ITGA8: variants seen among roughly 807,000 people sequenced by gnomAD.
The protein encoded by ITGA8 is integrin subunit alpha 8, also known as integrin alpha-8.
ITGA8 carries 91 observed loss-of-function variants against 142.3 expected under a neutral mutation model. The observed-to-expected ratio is 0.64, with a 90% confidence interval of 0.54 to 0.76. The LOEUF is 0.76. Among genes scored for constraint, ITGA8 ranks in the 30% least tolerant of loss-of-function variants. ITGA8 has a pLI of 0.00. For synonymous variants in ITGA8, 505 were observed against 485.2 expected, an observed-to-expected ratio of 1.04 and a Z score of -0.54; for missense variants, 1,406 against 1,327.7, an observed-to-expected ratio of 1.06 and a Z score of -0.92.
At chr10:15,546,624 G>T (rs945996014) in intron 27 of ITGA8, among the ~76,000 whole-genome samples, 4 of 151,908 alleles carry the variant, frequency 2.6e-5, no homozygotes, top group African/African-American at 9.7e-5. Flanking sequence ...AACACAGCGC[G>T]ATCTGGTCTA....
chr10:15,581,312 G>A (rs1027694672), intron 23 of ITGA8, among the ~76,000 whole-genome samples: 1 of 152,184 alleles, frequency 6.6e-6, no homozygotes, highest in Non-Finnish European at 1.5e-5. Context: ...GATACTCCAA[G>A]CCTATTATCA....
intron 28 of ITGA8, among the ~76,000 whole-genome samples, chr10:15,528,056 C>T (rs1009502121): frequency 6.6e-6 from 1 of 151,966 alleles, no homozygotes; most frequent in East Asian, 1.9e-4. Context: ...GCTGGGACTA[C>T]AGGCGAGCAT....
chr10:15,563,147 T>C (rs76906774), intron 25 of ITGA8, among the ~76,000 whole-genome samples: 1 of 149,116 alleles, frequency 6.7e-6, no homozygotes, highest in African/African-American at 2.5e-5. Context: ...CCTTCAGGCC[T>C]CCCAGAAGCC....
intron 6 of ITGA8, among the ~76,000 whole-genome samples, chr10:15,673,347 T>G (rs1038691375): frequency 2.0e-5 from 3 of 152,114 alleles, no homozygotes; most frequent in African/African-American, 7.2e-5. Flanking sequence ...CCTCCCAAAG[T>G]GCTGGGATTA....
intron 2 of ITGA8, among the ~76,000 whole-genome samples, chr10:15,705,436 C>T (rs538197520): frequency 6.6e-6 from 1 of 152,302 alleles, no homozygotes; most frequent in African/African-American, 2.4e-5. Context: ...TGCCCTCCTG[C>T]CACTGCAGAT....
chr10:15,571,372 C>T (rs151293690), intron 25 of ITGA8, among the ~76,000 whole-genome samples: 49 of 152,300 alleles, frequency 3.2e-4, no homozygotes, highest in South Asian at 1.2e-3. Context: ...ACTAGGAGAA[C>T]GTTCGTTCTT....
chr10:15,655,941 A>G (rs1204637556), intron 10 of ITGA8, among the ~76,000 whole-genome samples: 1 of 152,140 alleles, frequency 6.6e-6, no homozygotes, highest in Non-Finnish European at 1.5e-5. Context: ...AAACAGAATT[A>G]GCAGGGCATG....
At chr10:15,691,632 T>C (rs1834935902) in intron 2 of ITGA8, among the ~76,000 whole-genome samples, 1 of 152,088 alleles carries the variant, frequency 6.6e-6, no homozygotes, top group Admixed American at 6.6e-5. Flanking sequence ...ATCTCCCTTA[T>C]ATGTGGAATC....
intron 24 of ITGA8, among the ~76,000 whole-genome samples, chr10:15,575,007 T>C (rs1834257843): frequency 6.6e-6 from 1 of 152,158 alleles, no homozygotes; most frequent in South Asian, 2.1e-4. Context: ...CAAGTGATTA[T>C]ATCCAGTATT....
chr10:15,675,118 A>G (rs1834603098), intron 6 of ITGA8, among the ~76,000 whole-genome samples: 1 of 152,168 alleles, frequency 6.6e-6, no homozygotes, highest in African/African-American at 2.4e-5. Flanking sequence ...TAGGCCTCCC[A>G]TCTATACCCA....
At chr10:15,718,251 G>A (rs1253223294) in intron 2 of ITGA8, among the ~76,000 whole-genome samples, 4 of 152,162 alleles carry the variant, frequency 2.6e-5, no homozygotes, top group South Asian at 2.1e-4. Context: ...GCACTAGTTT[G>A]CATTCAATGT....
chr10:15,523,977 C>T (rs543382719), intron 28 of ITGA8, among the ~76,000 whole-genome samples: 20 of 152,218 alleles, frequency 1.3e-4, no homozygotes, highest in African/African-American at 4.8e-4. Context: ...TACCTTTTCT[C>T]TGATGTCAGG....
chr10:15,542,705 CT>C (rs1833594968), intron 27 of ITGA8, among the ~76,000 whole-genome samples: 2 of 152,128 alleles, frequency 1.3e-5, no homozygotes, highest in African/African-American at 4.8e-5. Context: ...GCTCAAGATT[CT>C]CCCCCTTACT....
At chr10:15,590,533 T>A (rs1401525887) in intron 22 of ITGA8, among the ~76,000 whole-genome samples, 1 of 152,240 alleles carries the variant, frequency 6.6e-6, no homozygotes, top group Non-Finnish European at 1.5e-5. Context: ...AAGCTTCATG[T>A]CACTGGAGGA....
intron 28 of ITGA8, among the ~76,000 whole-genome samples, chr10:15,527,199 G>A (rs1397647875): frequency 6.6e-6 from 1 of 152,160 alleles, no homozygotes; most frequent in East Asian, 1.9e-4. Flanking sequence ...TTCCTTATGA[G>A]ACAAGCAGTT....
At chr10:15,529,430 T>G (rs2131540445) in intron 28 of ITGA8, among the ~76,000 whole-genome samples, 1 of 152,282 alleles carries the variant, frequency 6.6e-6, no homozygotes, top group African/African-American at 2.4e-5. Context: ...GTTTCCTAAT[T>G]AGAGCAAGGC....
At chr10:15,602,490 C>T (rs1009674608) in intron 20 of ITGA8, among the ~76,000 whole-genome samples, 5 of 152,034 alleles carry the variant, frequency 3.3e-5, no homozygotes, top group Admixed American at 6.6e-5. Flanking sequence ...ATAATATCAG[C>T]GCTTTGGAAG....
intron 13 of ITGA8, among the ~76,000 whole-genome samples, chr10:15,617,242 A>T (rs757305400): frequency 6.6e-6 from 1 of 152,198 alleles, no homozygotes; most frequent in Non-Finnish European, 1.5e-5. Context: ...AAATGAGTCA[A>T]TTGAGACTTA....
chr10:15,648,209 T>G (rs532900006), intron 11 of ITGA8, among the ~76,000 whole-genome samples: 1 of 152,248 alleles, frequency 6.6e-6, no homozygotes, highest in Admixed American at 6.5e-5. Context: ...TAATTTGATC[T>G]AAATTAATGG....
Sources: allele counts gnomAD v4.1 joint callset (sites outside exome capture counted in the v4.1 genomes callset), GRCh38; gene constraint gnomAD v4.1.1; transcripts MANE v1.5; gene names NCBI Gene and HGNC (gene_info 2026-07-23, HGNC 2026-07-21).